Variants in ZNF266 observed in about 807,000 individuals in gnomAD.
The protein encoded by ZNF266 is zinc finger protein 266, also known as zinc finger protein 1.
ZNF266 carries 16 observed loss-of-function variants against 16.4 expected under a neutral mutation model. The ratio of observed to expected loss-of-function variants is 0.98; its 90% CI spans 0.66 to 1.48. The LOEUF (loss-of-function observed/expected upper bound fraction) is 1.48. Ranked by LOEUF, ZNF266 falls within the 40% of genes most tolerant of loss-of-function variation. ZNF266 has a pLI of 0.00. For missense variants in ZNF266, 738 were observed against 689.1 expected (o/e 1.07, Z -0.79); for synonymous variants, 262 against 237.9 (o/e 1.10, Z -0.93).
intron 6 of ZNF266, chr19:9,419,828 G>T (rs1372830566): frequency 1.3e-5 from 2 of 151,902 alleles, no homozygotes; most frequent in Non-Finnish European, 2.9e-5. Flanking sequence ...TTGAACCTGG[G>T]GGGCAGAGGT....
At chr19:9,425,278 C>G (rs1000364053) in intron 5 of ZNF266, among the ~76,000 whole-genome samples, 1 of 152,246 alleles carries the variant, frequency 6.6e-6, no homozygotes, top group Non-Finnish European at 1.5e-5. Context: ...ACAGGTTGAA[C>G]ACCCGGCTGT....
chr19:9,432,236 G>A (rs1040626042), intron 5 of ZNF266, among the ~76,000 whole-genome samples: 3 of 152,250 alleles, frequency 2.0e-5, no homozygotes, highest in African/African-American at 7.2e-5. Context: ...TGGGATTACA[G>A]GCGTGAGCCA....
chr19:9,424,359 C>T (rs974058991), intron 5 of ZNF266, among the ~76,000 whole-genome samples: 3 of 152,094 alleles, frequency 2.0e-5, no homozygotes, highest in Non-Finnish European at 4.4e-5. Flanking sequence ...CCTCCGAGTA[C>T]TTCTATACTC....
intron 7 of ZNF266, 157 bp from the exon 8 acceptor site, chr19:9,418,788 G>A (rs568277465): frequency 1.9e-5 from 10 of 533,554 alleles, no homozygotes; most frequent in South Asian, 6.7e-5. Context: ...CCAGTGACAC[G>A]GCTTGAATGG....
chr19:9,418,451 G>A, intron 8 of ZNF266, 54 bp downstream of exon 8: 2 of 1,583,304 alleles, frequency 1.3e-6, no homozygotes, highest in Admixed American at 1.7e-5. Flanking sequence ...AATACAGTAA[G>A]TACATAACAT....
intron 5 of ZNF266, among the ~76,000 whole-genome samples, chr19:9,427,659 A>C (rs1599538834): frequency 6.6e-6 from 1 of 152,060 alleles, no homozygotes; most frequent in Non-Finnish European, 1.5e-5. Context: ...GCCTATTTCA[A>C]CAGCCTCTCA....
rs2068718611 is a variant in ZNF266 at position 9,414,679 on chromosome 19, T to C, written c.447A>G (p.Gln149=). The C allele has an allele frequency of 1.9e-6, 3 of 1,590,068 alleles. No homozygotes were observed. Among genetic ancestry groups the C allele is most frequent in the Non-Finnish European group, 1.7e-6 (2 of 1,161,546 alleles). The part of the protein sequence containing the change: ...HNGGEVSDVK[Q]CGDVSSEHSC... ...AGTGTTCACTGGAGACATCTCCACA[T>C]TGCTTAACATCACTGACCTCCCCTC... Residue 149 remains glutamine (Q), a synonymous_variant, in exon 11 of 11, where the codon CAA becomes CAG. Coordinates refer to ENST00000592904, the MANE Select transcript of ZNF266 (RefSeq NM_001370374.1).
Position 9,414,156 on chromosome 19 carries a change from G to T in ZNF266, c.970C>A (p.Gln324Lys). Residue 324 changes from glutamine to lysine, a missense_variant, in exon 11 of 11, where the codon CAG (glutamine) becomes AAG (lysine). Physicochemically the swap from Gln to Lys is moderately conservative, Grantham distance 53. Transcript: ENST00000592904. ...TCTCCAGTGTGAGTTTTTCTGTGCT[G>T]AGTAAGTTGACAAGACCTGGTGAAG... ...KAFTRSCQLT[Q>K]HRKTHTGEKP... The T allele has an allele frequency of 1.2e-6, 2 of 1,613,284 alleles. No individual in the cohort carries two copies. The highest frequency in any genetic ancestry group is 1.7e-6 in the Non-Finnish European group (2 of 1,179,696).
chr19:9,433,154 C>T (rs10409256), intron 5 of ZNF266, among the ~76,000 whole-genome samples: 85,690 of 152,090 alleles, frequency 0.56, 24,374 homozygotes, highest in Middle Eastern at 0.63. Flanking sequence ...GAAGAACGTG[C>T]AGAATCTACA....
intron 5 of ZNF266, among the ~76,000 whole-genome samples, chr19:9,424,237 A>G (rs555631060): frequency 3.8e-4 from 57 of 150,190 alleles, no homozygotes; most frequent in East Asian, 5.8e-4. Context: ...AAAAAAAAAA[A>G]AAAAGAAAAA....
chr19:9,431,666 T>G (rs9676745), intron 5 of ZNF266, among the ~76,000 whole-genome samples: 1 of 151,876 alleles, frequency 6.6e-6, no homozygotes, highest in South Asian at 2.1e-4. Flanking sequence ...TACAGGCTGA[T>G]CCACCCATTG....
intron 9 of ZNF266, among the ~76,000 whole-genome samples, chr19:9,417,310 T>C (rs755548107): frequency 1.7e-4 from 26 of 152,060 alleles, no homozygotes; most frequent in Non-Finnish European, 3.1e-4. Flanking sequence ...AGGCTGAAGT[T>C]GCAGTAAGCC....
chr19:9,430,955 CG>C (rs1437168490), intron 5 of ZNF266, among the ~76,000 whole-genome samples: 1 of 152,138 alleles, frequency 6.6e-6, no homozygotes. Context: ...CCTCTTCTCG[CG>C]GATCTGTAAG....
rs1400213586 is a variant in ZNF266, at chr19:9,434,706, A to G, written c.-410+92T>C. 3 of 152,180 alleles carry G rather than the reference A, an allele frequency of 2.0e-5. No homozygotes were observed. In the East Asian group the frequency reaches 5.8e-4, roughly 29 times the overall value. The allele number at this position is 152,180 out of a possible 1,614,324, so 9.4% of individuals were successfully genotyped here. A position where few individuals can be genotyped will look rare whatever the true frequency, so the allele number is the denominator to read the frequency against. Reference sequence around the variant, plus strand: ...ATTTTAAATTTTCTGGGGTAATAGTATTATGGTTTTAAAAGGACATGTCTT... The same window carrying G: ...ATTTTAAATTTTCTGGGGTAATAGTGTTATGGTTTTAAAAGGACATGTCTT... On this transcript the variant is annotated intron_variant, in intron 3 of 10. Coordinates refer to ENST00000592904, the MANE Select transcript of ZNF266 (RefSeq NM_001370374.1).
At chr19:9,425,434 G>T (rs142509659) in intron 5 of ZNF266, among the ~76,000 whole-genome samples, 38 of 152,268 alleles carry the variant, frequency 2.5e-4, no homozygotes, top group Admixed American at 2.3e-3. Flanking sequence ...CTCTCCTCCC[G>T]GTCTGGGTAG....
At chr19:9,417,788 C>T in intron 9 of ZNF266, 40 bp downstream of exon 9, 2 of 1,525,700 alleles carry the variant, frequency 1.3e-6, no homozygotes, top group Non-Finnish European at 1.8e-6. Flanking sequence ...TATAAACATA[C>T]TGAACTTATT....
At chr19:9,422,288 C>T (rs773880664) in intron 5 of ZNF266, among the ~76,000 whole-genome samples, 3 of 152,132 alleles carry the variant, frequency 2.0e-5, no homozygotes, top group Non-Finnish European at 2.9e-5. Context: ...TCTTTGGGTG[C>T]CAATGTTCCC....
intron 5 of ZNF266, among the ~76,000 whole-genome samples, chr19:9,431,421 T>A (rs1332195275): frequency 1.3e-5 from 2 of 152,150 alleles, no homozygotes; most frequent in African/African-American, 4.8e-5. Context: ...ACAATGCGCA[T>A]GCCAGGATGC....
chr19:9,422,728 G>A (rs1364111024), intron 5 of ZNF266, among the ~76,000 whole-genome samples: 1 of 151,994 alleles, frequency 6.6e-6, no homozygotes, highest in Non-Finnish European at 1.5e-5. Flanking sequence ...CTACAGCCCC[G>A]CTAAAGGCTG....
Sources: allele counts gnomAD v4.1 joint callset (sites outside exome capture counted in the v4.1 genomes callset), GRCh38; gene constraint gnomAD v4.1.1; transcripts MANE v1.5; gene names NCBI Gene and HGNC (gene_info 2026-07-23, HGNC 2026-07-21).